Variants in LRRC4C observed in about 807,000 individuals in gnomAD.
LRRC4C encodes the protein leucine-rich repeat-containing protein 4C.
Under a neutral mutation model 33.6 loss-of-function variants are expected in LRRC4C, and 5 were observed. That is an observed-to-expected ratio of 0.15 (90% CI 0.08 to 0.31). The LOEUF (loss-of-function observed/expected upper bound fraction) is 0.31. Ranked by LOEUF, LRRC4C falls within the 10% of genes least tolerant of loss-of-function variation. LRRC4C has a pLI of 1.00. For synonymous variants in LRRC4C, 329 were observed against 302.0 expected (o/e 1.09, Z -0.93); for missense variants, 560 against 796.7 (o/e 0.70, Z 3.58).
intron 1 of LRRC4C, among the ~76,000 whole-genome samples, chr11:41,175,482 T>G (rs971497443): frequency 6.6e-6 from 1 of 152,104 alleles, no homozygotes; most frequent in South Asian, 2.1e-4. Flanking sequence ...CTGTTGGAAC[T>G]TCAGTGATCA....
chr11:40,451,434 G>A (rs545720698), intron 3 of LRRC4C, among the ~76,000 whole-genome samples: 31 of 121,450 alleles, frequency 2.6e-4, no homozygotes, highest in South Asian at 8.2e-4. Flanking sequence ...TGCCTGGGCC[G>A]GAGTGCAGTG....
At chr11:40,296,676 AC>A (rs1431168297) in intron 4 of LRRC4C, among the ~76,000 whole-genome samples, 1 of 152,222 alleles carries the variant, frequency 6.6e-6, no homozygotes, top group East Asian at 1.9e-4. Flanking sequence ...TAAGTAGTAA[AC>A]AAGCTAACTG....
At chr11:40,867,245 T>C (rs1221947574) in intron 2 of LRRC4C, among the ~76,000 whole-genome samples, 1 of 152,192 alleles carries the variant, frequency 6.6e-6, no homozygotes, top group Non-Finnish European at 1.5e-5. Flanking sequence ...TCCATCATTG[T>C]ACTCCATATA....
intron 1 of LRRC4C, among the ~76,000 whole-genome samples, chr11:41,159,524 A>G (rs1278671759): frequency 6.6e-6 from 1 of 152,096 alleles, no homozygotes; most frequent in Non-Finnish European, 1.5e-5. Flanking sequence ...CAATGAGCAG[A>G]CAGATTTTTT....
At chr11:40,592,798 G>A (rs1361809186) in intron 3 of LRRC4C, among the ~76,000 whole-genome samples, 1 of 152,130 alleles carries the variant, frequency 6.6e-6, no homozygotes, top group Non-Finnish European at 1.5e-5. Flanking sequence ...GTAAATAGCA[G>A]TCTTATTACC....
chr11:40,631,044 A>G (rs963177525), intron 3 of LRRC4C, among the ~76,000 whole-genome samples: 2 of 152,192 alleles, frequency 1.3e-5, no homozygotes, highest in African/African-American at 4.8e-5. Flanking sequence ...GGAGAGAAAG[A>G]AACTTACTGC....
At chr11:41,440,789 C>T (rs1955593089) in intron 1 of LRRC4C, among the ~76,000 whole-genome samples, 1 of 152,158 alleles carries the variant, frequency 6.6e-6, no homozygotes, top group African/African-American at 2.4e-5. Context: ...CCAGAGCTCC[C>T]TCCTTCTTGC....
chr11:40,511,189 A>G (rs1955297492), intron 3 of LRRC4C, among the ~76,000 whole-genome samples: 1 of 152,236 alleles, frequency 6.6e-6, no homozygotes, highest in African/African-American at 2.4e-5. Flanking sequence ...AATTTGATAC[A>G]CAGAAAGCCC....
intron 2 of LRRC4C, among the ~76,000 whole-genome samples, chr11:40,692,856 G>A (rs1277585480): frequency 6.6e-6 from 1 of 152,020 alleles, no homozygotes. Flanking sequence ...TGTATTCATG[G>A]TATGAGAAGA....
chr11:41,140,631 T>C (rs1402777153), intron 1 of LRRC4C, among the ~76,000 whole-genome samples: 2 of 152,216 alleles, frequency 1.3e-5, no homozygotes, highest in African/African-American at 4.8e-5. Context: ...CCTGTTCACC[T>C]CATTCATTTA....
At chr11:40,640,853 A>G (rs1340176259) in intron 3 of LRRC4C, among the ~76,000 whole-genome samples, 3 of 151,870 alleles carry the variant, frequency 2.0e-5, no homozygotes, top group Admixed American at 6.6e-5. Flanking sequence ...CCTCTCTACT[A>G]AAAATACAAA....
chr11:41,267,427 C>A (rs779627994), intron 1 of LRRC4C, among the ~76,000 whole-genome samples: 8 of 152,062 alleles, frequency 5.3e-5, no homozygotes, highest in African/African-American at 1.4e-4. Flanking sequence ...CTCAAACCTG[C>A]GTTTGTTCAT....
At chr11:40,977,076 G>A (rs1852138448) in intron 1 of LRRC4C, among the ~76,000 whole-genome samples, 1 of 152,028 alleles carries the variant, frequency 6.6e-6, no homozygotes, top group East Asian at 1.9e-4. Flanking sequence ...TTCTCATAAG[G>A]AGCACAAAAC....
At chr11:40,245,168 G>C (rs747504504) in intron 4 of LRRC4C, among the ~76,000 whole-genome samples, 4 of 152,094 alleles carry the variant, frequency 2.6e-5, no homozygotes, top group Admixed American at 6.6e-5. Context: ...ACTAGGAATT[G>C]TGTTCAAATT....
Position 40,984,161 on chromosome 11 carries a change from GAAAGA to G in LRRC4C, c.-495-50443_-495-50439del, listed in dbSNP as rs1315110303. On this transcript the variant is annotated intron_variant, in intron 1 of 6. Coordinates refer to ENST00000528697, the MANE Select transcript of LRRC4C (RefSeq NM_001258419.2). ...CATAAGAAAAAAGTAAAGAAAGAAA[GAAAGA>G]AAAGAAAGGAAGGAAAGGAAGGAAG... Among the ~76,000 whole-genome samples the G allele has an allele frequency of 1.1e-4, 15 of 142,010 alleles. No individual in the cohort carries two copies. The Admixed American group carries it at 1.1e-3, about 10-fold the overall frequency. 93.2% of individuals were successfully genotyped at this position (142,010 alleles called of 152,430 possible).
At chr11:40,209,836 T>A (rs894029647) in intron 5 of LRRC4C, among the ~76,000 whole-genome samples, 1 of 152,176 alleles carries the variant, frequency 6.6e-6, no homozygotes, top group African/African-American at 2.4e-5. Flanking sequence ...AACAATATAC[T>A]AGGATGCCTG....
At chr11:40,772,711 C>A (rs1305317923) in intron 2 of LRRC4C, among the ~76,000 whole-genome samples, 1 of 152,054 alleles carries the variant, frequency 6.6e-6, no homozygotes, top group Admixed American at 6.6e-5. Flanking sequence ...TGAATACTGA[C>A]AAAGATGTAG....
intron 1 of LRRC4C, among the ~76,000 whole-genome samples, chr11:41,211,129 C>T (rs1946803658): frequency 6.6e-6 from 1 of 151,944 alleles, no homozygotes. Flanking sequence ...GGAGTTGGGG[C>T]CCCCTGGTTT....
chr11:40,926,581 A>G (rs1470395683), intron 2 of LRRC4C, among the ~76,000 whole-genome samples: 1 of 152,224 alleles, frequency 6.6e-6, no homozygotes, highest in East Asian at 1.9e-4. Flanking sequence ...AATTTGGTAA[A>G]TGAATCTGCT....
Sources: gnomAD v4.1 joint callset for allele counts (sites outside exome capture counted in the v4.1 genomes callset) on GRCh38, gnomAD v4.1.1 for gene constraint, MANE v1.5 for transcripts, NCBI Gene and HGNC (gene_info 2026-07-23, HGNC 2026-07-21) for gene names.